The following LYN variants were observed in gnomAD, a reference collection of about 807,000 sequenced individuals.
The protein encoded by LYN is tyrosine-protein kinase Lyn.
LYN carries 12 observed loss-of-function variants against 65.0 expected under a neutral mutation model. The ratio of observed to expected loss-of-function variants is 0.18; its 90% CI spans 0.12 to 0.30. The LOEUF (loss-of-function observed/expected upper bound fraction) is 0.30, where lower values mean the gene tolerates loss of function less well. LYN is among the 10% of genes least tolerant of loss of function. The pLI, the probability that LYN is intolerant of heterozygous loss-of-function variation, is 1.00. For missense variants in LYN, 380 were observed against 623.2 expected, an observed-to-expected ratio of 0.61 and a Z score of 4.16; for synonymous variants, 222 against 221.2, an observed-to-expected ratio of 1.00 and a Z score of -0.03.
chr8:56,005,168 C>G (rs1808638631), intron 12 of LYN, among the ~76,000 whole-genome samples: 1 of 152,174 alleles, frequency 6.6e-6, no homozygotes, highest in African/African-American at 2.4e-5. Flanking sequence ...CAATTCTCTC[C>G]CCATAGGCAA....
At chr8:55,946,758 C>T (rs937082827) in intron 3 of LYN, among the ~76,000 whole-genome samples, 3 of 152,148 alleles carry the variant, frequency 2.0e-5, no homozygotes, top group African/African-American at 7.2e-5. Context: ...GCCTCCTCCC[C>T]CAGCCGCTGG....
intron 8 of LYN, among the ~76,000 whole-genome samples, chr8:55,965,235 C>T (rs1585646462): frequency 6.6e-6 from 1 of 152,224 alleles, no homozygotes; most frequent in South Asian, 2.1e-4. Context: ...TTGCCCAGAG[C>T]GTGTTCCATG....
At chr8:55,997,238 T>C (rs943950333) in intron 10 of LYN, among the ~76,000 whole-genome samples, 31 of 151,948 alleles carry the variant, frequency 2.0e-4, no homozygotes, top group Non-Finnish European at 3.8e-4. Context: ...GCCAGTTCCA[T>C]GGGCTGTTGA....
At chr8:55,935,590 A>G (rs1173032609) in intron 1 of LYN, among the ~76,000 whole-genome samples, 1 of 152,166 alleles carries the variant, frequency 6.6e-6, no homozygotes, top group Non-Finnish European at 1.5e-5. Context: ...CCTGGCCAAC[A>G]TGGTGAAACC....
intron 12 of LYN, among the ~76,000 whole-genome samples, chr8:56,004,801 A>G (rs1808629559): frequency 6.6e-6 from 1 of 152,058 alleles, no homozygotes; most frequent in South Asian, 2.1e-4. Flanking sequence ...TTATTTATTT[A>G]TTTGACAGGG....
Position 55,965,199 on chromosome 8 carries a change from G to T in LYN, c.791-1516G>T, listed in dbSNP as rs565305011. Among the ~76,000 whole-genome samples, 11 of 152,312 alleles carry T rather than the reference G, an allele frequency of 7.2e-5. No individual in the cohort carries two copies. The East Asian group carries it at 2.1e-3, about 29-fold the overall frequency. On this transcript the variant is annotated intron_variant, in intron 8 of 12. Transcript: ENST00000519728. The stretch of plus-strand genomic sequence containing the variant: ...CCCAGTCCCAGAAGGGTGGTGCCTC[G>T]GGGGAACTATACTAAGGAGTCAGTA...
chr8:55,926,536 A>G (rs918272029), intron 1 of LYN, among the ~76,000 whole-genome samples: 4 of 152,248 alleles, frequency 2.6e-5, no homozygotes, highest in African/African-American at 9.6e-5. Flanking sequence ...AGCTCTTATC[A>G]GTTATTTTCT....
chr8:55,984,175 A>G (rs1397657202), intron 10 of LYN, among the ~76,000 whole-genome samples: 1 of 152,108 alleles, frequency 6.6e-6, no homozygotes, highest in Non-Finnish European at 1.5e-5. Context: ...GAGATCCTTA[A>G]TTAAATCTGG....
intron 1 of LYN, among the ~76,000 whole-genome samples, chr8:55,899,931 G>T (rs528286917): frequency 6.6e-6 from 1 of 152,160 alleles, no homozygotes; most frequent in South Asian, 2.1e-4. Context: ...ATGAGCCACC[G>T]TGCCCAGCCT....
At chr8:55,942,341 AT>A (rs1806639097) in intron 2 of LYN, among the ~76,000 whole-genome samples, 4 of 134,674 alleles carry the variant, frequency 3.0e-5, no homozygotes. Context: ...GTATATATAT[AT>A]GTGTATATAT....
chr8:55,879,910 A>G lies in LYN; in HGVS notation c.-199A>G. On this transcript the variant is annotated 5_prime_UTR_variant, in exon 1 of 13. Coordinates refer to ENST00000519728, the MANE Select transcript of LYN (RefSeq NM_002350.4). The stretch of plus-strand genomic sequence containing the variant: ...GGCGCCTCCGGGCCAGACGCGCTGC[A>G]GCCTCCAGCCCGCGGCAAGCGGGGC... 4.9e-6 allele frequency: 1 copy of G among 203,618 alleles called. No homozygotes were observed. The highest frequency in any genetic ancestry group is 9.8e-6 in the Non-Finnish European group (1 of 101,866). The allele number at this position is 203,618 out of a possible 1,614,324, so 12.6% of individuals were successfully genotyped here. A position where few individuals can be genotyped will look rare whatever the true frequency, so the allele number is the denominator to read the frequency against.
chr8:56,011,679 TA>T lies in LYN; in HGVS notation c.*1573del, dbSNP rs1808821777. ...GGCTTGAGGTGCTTAGAAGATGGGA[TA>T]AAATATTCTACTTTTTTCTAAATTT... On this transcript the variant is annotated 3_prime_UTR_variant, in exon 13 of 13. Coordinates refer to ENST00000519728, the MANE Select transcript of LYN (RefSeq NM_002350.4). 1.5e-5 allele frequency: 3 copies of T among 194,092 alleles called. No individual in the cohort carries two copies. Among genetic ancestry groups the T allele is most frequent in the Admixed American group, 6.1e-5 (1 of 16,410 alleles). 12.0% of individuals were successfully genotyped at this position (194,092 alleles called of 1,614,324 possible). A position where few individuals can be genotyped will look rare whatever the true frequency, so the allele number is the denominator to read the frequency against.
chr8:55,930,174 T>C (rs1384498001), intron 1 of LYN, among the ~76,000 whole-genome samples: 5 of 152,204 alleles, frequency 3.3e-5, no homozygotes, highest in Non-Finnish European at 5.9e-5. Flanking sequence ...CTAAAAAGGT[T>C]GGGGACCACT....
rs115525198 is a variant in LYN at position 56,003,623 on chromosome 8, C to T, written c.1336+4074C>T. Among the ~76,000 whole-genome samples, 960 of 150,804 alleles carry T rather than the reference C, an allele frequency of 6.4e-3. 10 individuals are homozygous for T. Among genetic ancestry groups the T allele is most frequent in the African/African-American group, 0.022 (918 of 41,026 alleles). On this transcript the variant is annotated intron_variant, in intron 12 of 12. Transcript: ENST00000519728. ...CCAGGAGACAGAAGTTGCAGTGAGCCGAGATGCGCCACTGCACTCCAGCCT... is the reference window on the plus strand; with the variant it reads ...CCAGGAGACAGAAGTTGCAGTGAGCTGAGATGCGCCACTGCACTCCAGCCT...
chr8:55,886,235 A>C (rs1483548299), intron 1 of LYN, among the ~76,000 whole-genome samples: 2 of 147,328 alleles, frequency 1.4e-5, no homozygotes, highest in Non-Finnish European at 3.0e-5. Flanking sequence ...AGTGGCTGTC[A>C]AACATCTTTT....
At chr8:55,933,776 A>G (rs985246469) in intron 1 of LYN, among the ~76,000 whole-genome samples, 4 of 152,206 alleles carry the variant, frequency 2.6e-5, no homozygotes, top group Non-Finnish European at 4.4e-5. Context: ...CCAATCTTCC[A>G]TATACCTCTT....
At chr8:55,880,550 A>G (rs1013310614) in intron 1 of LYN, among the ~76,000 whole-genome samples, 1 of 152,136 alleles carries the variant, frequency 6.6e-6, no homozygotes, top group African/African-American at 2.4e-5. Flanking sequence ...GGATTGTGCA[A>G]TCTGATCTCC....
intron 1 of LYN, among the ~76,000 whole-genome samples, chr8:55,922,964 A>G (rs967345356): frequency 6.6e-6 from 1 of 151,798 alleles, no homozygotes; most frequent in Non-Finnish European, 1.5e-5. Context: ...AGAAATCAAA[A>G]CTCACTATCT....
chr8:55,979,862 A>G (rs1292137106), intron 10 of LYN, among the ~76,000 whole-genome samples: 1 of 152,216 alleles, frequency 6.6e-6, no homozygotes, highest in African/African-American at 2.4e-5. Flanking sequence ...GGGCTGCCAG[A>G]GGGCCGCCCA....
Sources: allele counts gnomAD v4.1 joint callset (sites outside exome capture counted in the v4.1 genomes callset), GRCh38; gene constraint gnomAD v4.1.1; transcripts MANE v1.5; gene names NCBI Gene and HGNC (gene_info 2026-07-23, HGNC 2026-07-21).